Variants in TSHR observed in about 807,000 individuals in gnomAD.
TSHR encodes the protein thyroid stimulating hormone receptor.
Under a neutral mutation model 64.1 loss-of-function variants are expected in TSHR, and 51 were observed. The observed-to-expected ratio is 0.80, with a 90% CI of 0.64 to 1.01. TSHR has a LOEUF of 1.01. Among genes scored for constraint, TSHR ranks in the 50% least tolerant of loss-of-function variants. TSHR has a pLI of 0.00. For synonymous variants in TSHR, 361 were observed against 361.9 expected, an observed-to-expected ratio of 1.00 and a Z score of 0.03; for missense variants, 877 against 942.8, an observed-to-expected ratio of 0.93 and a Z score of 0.91.
chr14:81,026,026 C>G (rs1884031923), intron 1 of TSHR, among the ~76,000 whole-genome samples: 1 of 152,066 alleles, frequency 6.6e-6, no homozygotes, highest in Non-Finnish European at 1.5e-5. Context: ...CTCCTGAAAC[C>G]CCACAAGAAA....
At chr14:80,969,819 G>A (rs899650625) in intron 1 of TSHR, among the ~76,000 whole-genome samples, 6 of 152,160 alleles carry the variant, frequency 3.9e-5, no homozygotes, top group African/African-American at 1.4e-4. Flanking sequence ...CACAGAATTT[G>A]TTCCCACCCC....
At chr14:80,997,154 A>G (rs1439344784) in intron 1 of TSHR, among the ~76,000 whole-genome samples, 5 of 152,176 alleles carry the variant, frequency 3.3e-5, no homozygotes, top group African/African-American at 1.2e-4. Context: ...AAGTTGAAGA[A>G]CTCAACCAAC....
chr14:81,099,746 A>G (rs948149804), intron 7 of TSHR, among the ~76,000 whole-genome samples: 1 of 152,220 alleles, frequency 6.6e-6, no homozygotes, highest in African/African-American at 2.4e-5. Flanking sequence ...TTCAAGTCAA[A>G]GAATTGGTAT....
rs1296747982 is a variant in TSHR at position 81,143,865 on chromosome 14, A to C, written c.1807A>C (p.Lys603Gln). ...AFVIVCCCYV[K>Q]IYITVRNPQY... ...CGTCATCGTCTGCTGCTGTTATGTG[A>C]AGATCTACATCACAGTCCGAAATCC... The change falls in exon 10 of 10, where the codon AAG (lysine) becomes CAG (glutamine). Residue 603 changes from lysine to glutamine, a missense_variant. Lys to Gln is a moderately conservative substitution (Grantham distance 53). Transcript: ENST00000298171. 6.2e-7 allele frequency: 1 copy of C among 1,613,634 alleles called. No individual in the cohort carries two copies. The highest frequency in any genetic ancestry group is 1.1e-5 in the South Asian group (1 of 91,062).
chr14:81,004,385 G>C (rs1293637924), intron 1 of TSHR, among the ~76,000 whole-genome samples: 2 of 152,090 alleles, frequency 1.3e-5, no homozygotes, highest in African/African-American at 2.4e-5. Flanking sequence ...TATACATAAA[G>C]CACACAGCTG....
At chr14:81,101,294 A>C (rs147000374) in intron 7 of TSHR, among the ~76,000 whole-genome samples, 165 of 152,306 alleles carry the variant, frequency 1.1e-3, no homozygotes, top group East Asian at 0.01. Context: ...ATTTCAAATG[A>C]TCAGATGGCC....
At chr14:81,096,923 GGTGTGTGT>G (rs147149121) in intron 7 of TSHR, among the ~76,000 whole-genome samples, 29 of 148,410 alleles carry the variant, frequency 2.0e-4, no homozygotes, top group Non-Finnish European at 3.9e-4. Flanking sequence ...TTTTCTCCCT[GGTGTGTGT>G]GTGTGTGTGT....
chr14:81,119,323 A>T, intron 8 of TSHR, among the ~76,000 whole-genome samples: 1 of 140,738 alleles, frequency 7.1e-6, no homozygotes, highest in African/African-American at 2.8e-5. Context: ...AACTCAAACA[A>T]ATTTACAAGA....
chr14:81,051,993 G>A (rs1234079254), intron 1 of TSHR: 4 of 152,070 alleles, frequency 2.6e-5, no homozygotes, highest in Non-Finnish European at 5.9e-5. Flanking sequence ...CAATCTGCAG[G>A]TTTTCTTTTC....
intron 1 of TSHR, among the ~76,000 whole-genome samples, chr14:81,022,188 T>C (rs1326426496): frequency 1.3e-5 from 2 of 150,436 alleles, no homozygotes; most frequent in Non-Finnish European, 2.9e-5. Flanking sequence ...GAGAATGGCG[T>C]GAACACGAGA....
Position 81,143,243 on chromosome 14 carries a change from C to T in TSHR, c.1185C>T (p.Asp395=), listed in dbSNP as rs770942810. Residue 395 remains aspartate (D), a synonymous_variant, in exon 10 of 10, where the codon GAC becomes GAT. Transcript: ENST00000298171. ...ACACCATATGTGGGGACAGTGAAGA[C>T]ATGGTGTGTACCCCCAAGTCCGATG... ...YDYTICGDSE[D]MVCTPKSDEF... is the part of the protein sequence containing the mutation. 1.2e-5 allele frequency: 20 copies of T among 1,614,208 alleles called. No homozygotes were observed. Among genetic ancestry groups the T allele is most frequent in the Non-Finnish European group, 1.7e-5 (20 of 1,180,042 alleles).
intron 8 of TSHR, among the ~76,000 whole-genome samples, chr14:81,123,232 A>G (rs1280253780): frequency 3.3e-5 from 5 of 152,256 alleles, no homozygotes; most frequent in African/African-American, 9.6e-5. Context: ...GAGAAAAGTA[A>G]GAAATGAACA....
At chr14:81,132,568 T>C (rs17111530) in intron 8 of TSHR, among the ~76,000 whole-genome samples, 23,721 of 152,152 alleles carry the variant, frequency 0.16, 3,448 homozygotes, top group African/African-American at 0.38. Flanking sequence ...GTTACTTTCA[T>C]TAGACACTTA....
intron 1 of TSHR, among the ~76,000 whole-genome samples, chr14:80,970,396 T>C (rs1887532611): frequency 6.6e-6 from 1 of 152,252 alleles, no homozygotes; most frequent in African/African-American, 2.4e-5. Flanking sequence ...TAGTGTCCCA[T>C]TGAAGAGATC....
intron 1 of TSHR, among the ~76,000 whole-genome samples, chr14:81,043,033 G>C (rs1016171861): frequency 2.6e-5 from 4 of 152,112 alleles, no homozygotes; most frequent in Non-Finnish European, 5.9e-5. Flanking sequence ...ACTGGCACAA[G>C]ACAAGGATGC....
intron 1 of TSHR, among the ~76,000 whole-genome samples, chr14:80,997,422 A>C (rs1014203764): frequency 6.6e-6 from 1 of 152,218 alleles, no homozygotes; most frequent in Non-Finnish European, 1.5e-5. Flanking sequence ...AGGGAACTAA[A>C]GCTTACAAAA....
chr14:81,121,694 C>T (rs964276175), intron 8 of TSHR, among the ~76,000 whole-genome samples: 1 of 152,130 alleles, frequency 6.6e-6, no homozygotes, highest in Non-Finnish European at 1.5e-5. Context: ...GTAATCCCAG[C>T]ACTCTGGAAG....
At chr14:81,094,750 G>A (rs1231007371) in intron 6 of TSHR, among the ~76,000 whole-genome samples, 2 of 129,890 alleles carry the variant, frequency 1.5e-5, no homozygotes, top group Non-Finnish European at 3.1e-5. Context: ...GCAATGGTGC[G>A]ATCTCGGCTT....
intron 1 of TSHR, among the ~76,000 whole-genome samples, chr14:80,998,397 TAGAC>T (rs1018224072): frequency 1.3e-5 from 2 of 152,134 alleles, no homozygotes; most frequent in African/African-American, 2.4e-5. Context: ...ATTTGCATTT[TAGAC>T]AGACAGCCAG....
Sources: allele counts gnomAD v4.1 joint callset (sites outside exome capture counted in the v4.1 genomes callset), GRCh38; gene constraint gnomAD v4.1.1; transcripts MANE v1.5; gene names NCBI Gene and HGNC (gene_info 2026-07-23, HGNC 2026-07-21).